Variants in OGDH observed in about 807,000 individuals in gnomAD.
The protein encoded by OGDH is 2-oxoglutarate dehydrogenase complex component E1.
In OGDH, 38 loss-of-function variants were observed where a neutral mutation model predicts 116.6. The ratio of observed to expected loss-of-function variants is 0.33; its 90% CI spans 0.25 to 0.43. The LOEUF is 0.43. OGDH is among the 20% of genes least tolerant of loss of function. The pLI is 1.00. For synonymous variants in OGDH, 488 were observed against 533.3 expected (o/e 0.92, Z 1.17); for missense variants, 825 against 1,357.2 (o/e 0.61, Z 6.16).
chr7:44,673,117 G>A (rs1192368963), intron 5 of OGDH, among the ~76,000 whole-genome samples: 2 of 152,006 alleles, frequency 1.3e-5, no homozygotes, highest in Non-Finnish European at 2.9e-5. Context: ...TGTCTTATGG[G>A]CAATCTTGCT....
At chr7:44,607,318 G>A (rs1303747625) in intron 1 of OGDH, among the ~76,000 whole-genome samples, 1 of 152,156 alleles carries the variant, frequency 6.6e-6, no homozygotes, top group Non-Finnish European at 1.5e-5. Flanking sequence ...ATTTTCCCTC[G>A]AAAATATATC....
At chr7:44,698,551 C>T (rs927279410) in intron 18 of OGDH, among the ~76,000 whole-genome samples, 4 of 152,056 alleles carry the variant, frequency 2.6e-5, no homozygotes, top group African/African-American at 7.2e-5. Context: ...AGGGCTCCTG[C>T]GGGATGCTTC....
chr7:44,704,018 T>C (rs756874698), intron 20 of OGDH, among the ~76,000 whole-genome samples: 7 of 152,222 alleles, frequency 4.6e-5, no homozygotes, highest in Non-Finnish European at 8.8e-5. Flanking sequence ...GCTATGAACA[T>C]TGGTGTACAA....
intron 10 of OGDH, among the ~76,000 whole-genome samples, chr7:44,683,478 A>C (rs1244458554): frequency 6.6e-6 from 1 of 152,024 alleles, no homozygotes; most frequent in African/African-American, 2.4e-5. Flanking sequence ...TGATCCTCCC[A>C]TCTTGGTCTC....
At chr7:44,704,786 C>A (rs1788989946) in intron 20 of OGDH, among the ~76,000 whole-genome samples, 1 of 152,062 alleles carries the variant, frequency 6.6e-6, no homozygotes, top group Non-Finnish European at 1.5e-5. Context: ...TCTCAGCTCA[C>A]TGCAACCTCT....
chr7:44,613,484 C>A (rs1375916263), intron 1 of OGDH, among the ~76,000 whole-genome samples: 1 of 152,122 alleles, frequency 6.6e-6, no homozygotes, highest in African/African-American at 2.4e-5. Flanking sequence ...CTCAGTCTCC[C>A]GAGTAGCTGG....
At chr7:44,618,523 TG>T (rs1355525719) in intron 1 of OGDH, among the ~76,000 whole-genome samples, 4 of 152,218 alleles carry the variant, frequency 2.6e-5, no homozygotes, top group African/African-American at 9.6e-5. Context: ...CCATGATTCC[TG>T]GTTCCATAGT....
At chr7:44,631,273 T>C (rs984220103) in intron 2 of OGDH, among the ~76,000 whole-genome samples, 3 of 152,184 alleles carry the variant, frequency 2.0e-5, no homozygotes, top group African/African-American at 7.2e-5. Context: ...GCGATGAGCT[T>C]TGAAGTTACC....
chr7:44,609,525 A>T (rs1283753943), intron 1 of OGDH, among the ~76,000 whole-genome samples: 1 of 151,458 alleles, frequency 6.6e-6, no homozygotes, highest in Non-Finnish European at 1.5e-5. Context: ...AAAAAAAAAA[A>T]AGGTACTTCA....
In OGDH at chr7:44,667,332, A is replaced by G. The variant is rs140709109; in HGVS notation, c.633+481A>G. The stretch of plus-strand genomic sequence containing the variant: ...AACCAGTGGTTTTGTGATCAGCCAT[A>G]GAGAGGGGAAGTAAATTCTGCTTTC... On this transcript the variant is annotated intron_variant, in intron 5 of 22. Coordinates refer to ENST00000222673, the MANE Select transcript of OGDH (RefSeq NM_002541.4). 1.2e-3 allele frequency among the ~76,000 whole-genome samples: 177 copies of G among 152,284 alleles called. 5 individuals carry two copies. The East Asian group carries it at 0.025, about 22-fold the overall frequency.
chr7:44,629,580 C>CTTTTTTTTTTTTTTTTT (rs71701992), intron 2 of OGDH, among the ~76,000 whole-genome samples: 2 of 59,998 alleles, frequency 3.3e-5, no homozygotes, highest in Non-Finnish European at 1.1e-4. Flanking sequence ...TTTTTCTTTT[C>CTTTTTTTTTTTTTTTTT]TTTTTTTTTT....
intron 4 of OGDH, among the ~76,000 whole-genome samples, chr7:44,651,067 TAGG>T (rs1232348253): frequency 2.0e-5 from 3 of 152,280 alleles, no homozygotes; most frequent in East Asian, 3.9e-4. Context: ...AAGCTCCAGG[TAGG>T]GGGCAGTGAT....
Position 44,624,291 on chromosome 7 carries a change from GTTTTTTTT to G in OGDH, c.-27-14_-27-7del. The G allele has an allele frequency of 5.3e-6, 4 of 757,936 alleles. No individual in the cohort carries two copies. Among genetic ancestry groups the G allele is most frequent in the East Asian group, 2.9e-5 (1 of 33,966 alleles). 47.0% of individuals were successfully genotyped at this position (757,936 alleles called of 1,614,324 possible). ...CTCATTTTTAAAACCTTTCTTTCTT[GTTTTTTTT>G]TTTTTTTTTTTGTACAGGCAGTTGT... is the stretch of plus-strand genomic sequence containing the variant. On this transcript the variant is annotated intron_variant, in intron 1 of 22. Coordinates refer to ENST00000222673, the MANE Select transcript of OGDH (RefSeq NM_002541.4).
rs1287370327 is a variant in OGDH, at chr7:44,700,269, G to A, written c.2559G>A (p.Pro853=). The change falls in exon 19 of 23, where the codon CCG becomes CCA. Residue 853 remains proline (P), a splice_region_variant and synonymous_variant. Transcript: ENST00000222673. ...RRQILLPFRK[P]LIIFTPKSLL... Reference sequence around the variant, plus strand: ...AGATCCTGCTGCCATTCCGGAAGCCGGTCAGTGGCAGGGCCTCCCTTGCTC... The same window carrying A: ...AGATCCTGCTGCCATTCCGGAAGCCAGTCAGTGGCAGGGCCTCCCTTGCTC... 5.0e-6 allele frequency: 8 copies of A among 1,613,948 alleles called. No homozygotes were observed. The highest frequency in any genetic ancestry group is 3.3e-5 in the Admixed American group (2 of 59,986).
intron 9 of OGDH, among the ~76,000 whole-genome samples, chr7:44,680,528 GT>G (rs1787883034): frequency 6.9e-6 from 1 of 145,162 alleles, no homozygotes; most frequent in African/African-American, 2.7e-5. Flanking sequence ...CAAACTCATA[GT>G]TTTATTGCAT....
At chr7:44,641,199 C>A (rs1785920573) in intron 2 of OGDH, among the ~76,000 whole-genome samples, 1 of 146,770 alleles carries the variant, frequency 6.8e-6, no homozygotes, top group South Asian at 2.2e-4. Flanking sequence ...CCAAGCCCAG[C>A]CTTTTTCTTC....
At chr7:44,615,804 T>A (rs1784743707) in intron 1 of OGDH, among the ~76,000 whole-genome samples, 1 of 152,106 alleles carries the variant, frequency 6.6e-6, no homozygotes, top group Non-Finnish European at 1.5e-5. Context: ...TTTGGGAGTC[T>A]GACACTTGAG....
chr7:44,612,304 A>G (rs778061396), intron 1 of OGDH, among the ~76,000 whole-genome samples: 5 of 152,202 alleles, frequency 3.3e-5, no homozygotes, highest in Non-Finnish European at 7.3e-5. Flanking sequence ...ATTGTAGCTC[A>G]TAAGAAGTCT....
chr7:44,640,563 C>G (rs898893531), intron 2 of OGDH, among the ~76,000 whole-genome samples: 1 of 152,026 alleles, frequency 6.6e-6, no homozygotes, highest in Non-Finnish European at 1.5e-5. Context: ...AATATTGTCC[C>G]CTAGGATAAA....
Sources: gnomAD v4.1 joint callset for allele counts (sites outside exome capture counted in the v4.1 genomes callset) on GRCh38, gnomAD v4.1.1 for gene constraint, MANE v1.5 for transcripts, NCBI Gene and HGNC (gene_info 2026-07-23, HGNC 2026-07-21) for gene names.